The following SEMA6D variants were observed in gnomAD, a reference collection of about 807,000 sequenced individuals.
SEMA6D encodes the protein semaphorin 6D.
In SEMA6D, 35 loss-of-function variants were observed where a neutral mutation model predicts 106.6. The ratio of observed to expected loss-of-function variants is 0.33; its 90% CI spans 0.25 to 0.44. The LOEUF is 0.44. SEMA6D is among the 20% of genes least tolerant of loss of function. The probability of loss-of-function intolerance (pLI) is 1.00; values close to 1 mark genes in which losing one functional copy is unlikely to be tolerated. For missense variants in SEMA6D, 1,185 were observed against 1,345.9 expected, an observed-to-expected ratio of 0.88 and a Z score of 1.87; for synonymous variants, 499 against 487.7, an observed-to-expected ratio of 1.02 and a Z score of -0.31.
chr15:47,526,292 G>A (rs149132139), intron 3 of SEMA6D, among the ~76,000 whole-genome samples: 10 of 152,244 alleles, frequency 6.6e-5, no homozygotes, highest in South Asian at 2.1e-4. Flanking sequence ...TAAGGAATGT[G>A]AATCTTTCAA....
chr15:47,468,774 A>G (rs556923908), intron 2 of SEMA6D, among the ~76,000 whole-genome samples: 1 of 152,312 alleles, frequency 6.6e-6, no homozygotes, highest in African/African-American at 2.4e-5. Context: ...TTTGAATAGT[A>G]CAGATAAAAT....
chr15:47,686,613 T>G (rs1028487160), intron 4 of SEMA6D, among the ~76,000 whole-genome samples: 1 of 152,236 alleles, frequency 6.6e-6, no homozygotes, highest in Non-Finnish European at 1.5e-5. Flanking sequence ...CAGTATCATT[T>G]TCTCCTTCTT....
intron 3 of SEMA6D, 91 bp from the exon 4 acceptor site, chr15:47,760,887 C>A: frequency 8.6e-7 from 1 of 1,169,466 alleles, no homozygotes; most frequent in Middle Eastern, 2.0e-4. Context: ...CTCTAAAACA[C>A]AATAAAGGCA....
intron 6 of SEMA6D, 43 bp from the exon 7 acceptor site, chr15:47,761,618 C>T (rs752466754): frequency 1.9e-5 from 27 of 1,456,172 alleles, no homozygotes; most frequent in African/African-American, 2.8e-5. Context: ...CAAACGGGCA[C>T]GTTGAATAGA....
chr15:47,263,652 A>G (rs1454829332), intron 1 of SEMA6D, among the ~76,000 whole-genome samples: 1 of 152,012 alleles, frequency 6.6e-6, no homozygotes, highest in Non-Finnish European at 1.5e-5. Flanking sequence ...TGAGGAAGAT[A>G]GTGTGGCGAT....
At chr15:47,752,780 G>A (rs1015713226) in intron 1 of SEMA6D, among the ~76,000 whole-genome samples, 5 of 152,086 alleles carry the variant, frequency 3.3e-5, no homozygotes, top group Admixed American at 3.3e-4. Context: ...AGGCCGAGGT[G>A]GACAGATCAC....
chr15:47,647,363 A>T (rs1235693790), intron 4 of SEMA6D, among the ~76,000 whole-genome samples: 1 of 152,182 alleles, frequency 6.6e-6, no homozygotes, highest in East Asian at 1.9e-4. Flanking sequence ...GCTCACTTTG[A>T]ACTAACAGGA....
chr15:47,662,788 T>C (rs1566969113), intron 4 of SEMA6D, among the ~76,000 whole-genome samples: 1 of 151,300 alleles, frequency 6.6e-6, no homozygotes, highest in African/African-American at 2.4e-5. Flanking sequence ...TCACCTAGAT[T>C]GAGGGGGTAG....
At chr15:47,766,786 G>A (rs962139343) in intron 16 of SEMA6D, 109 bp downstream of exon 16, 12 of 758,860 alleles carry the variant, frequency 1.6e-5, no homozygotes, top group Non-Finnish European at 2.6e-5. Context: ...ATACCACCTA[G>A]CATTTAACTT....
chr15:47,451,537 T>A lies in SEMA6D; in HGVS notation c.-158-18937T>A, dbSNP rs1390869. On this transcript the variant is annotated intron_variant, in intron 2 of 19. Transcript: ENST00000558014. ...TGGTGACTGGATGAGGAGTGAGAAA[T>A]CAGAAAATGACTTTGGGGAAGGAAT... 2.0e-5 allele frequency among the ~76,000 whole-genome samples: 3 copies of A among 151,592 alleles called. No homozygotes were observed. The East Asian group carries it at 5.9e-4, about 30-fold the overall frequency.
intron 3 of SEMA6D, among the ~76,000 whole-genome samples, chr15:47,473,068 T>C (rs1596086719): frequency 6.6e-6 from 1 of 152,328 alleles, no homozygotes; most frequent in East Asian, 1.9e-4. Context: ...ATTCAGACTC[T>C]ACGTCTTCTC....
At chr15:47,498,344 G>A (rs972304043) in intron 3 of SEMA6D, among the ~76,000 whole-genome samples, 9 of 152,036 alleles carry the variant, frequency 5.9e-5, no homozygotes, top group African/African-American at 2.2e-4. Flanking sequence ...AAGCAAAACC[G>A]CAAAATAGGG....
Position 47,765,853 on chromosome 15 carries a change from G to A in SEMA6D, c.1428-16G>A. 1 of 1,485,264 alleles carries A rather than the reference G, an allele frequency of 6.7e-7. No homozygotes were observed. Among genetic ancestry groups the A allele is most frequent in the African/African-American group, 1.4e-5 (1 of 71,080 alleles). 92.0% of individuals were successfully genotyped at this position (1,485,264 alleles called of 1,614,324 possible). A position where few individuals can be genotyped will look rare whatever the true frequency, so the allele number is the denominator to read the frequency against. ...CTGACTAAACATATGGCTTCAAAAT[G>A]TATCCCACAAAATAGGTGCAGTGCT... is the stretch of plus-strand genomic sequence containing the variant. On this transcript the variant is annotated splice_polypyrimidine_tract_variant and intron_variant, in intron 13 of 18. Coordinates refer to ENST00000536845, the MANE Select transcript of SEMA6D (RefSeq NM_001358351.3).
intron 1 of SEMA6D, among the ~76,000 whole-genome samples, chr15:47,746,901 C>T (rs976336211): frequency 1.3e-5 from 2 of 151,350 alleles, no homozygotes; most frequent in Non-Finnish European, 2.9e-5. Flanking sequence ...ATTAGTTAGC[C>T]TTGAAAACCC....
chr15:47,333,543 C>G (rs2037429632), intron 1 of SEMA6D, among the ~76,000 whole-genome samples: 1 of 152,008 alleles, frequency 6.6e-6, no homozygotes, highest in Non-Finnish European at 1.5e-5. Flanking sequence ...GAAGTACCAC[C>G]TAGAATTTGA....
intron 1 of SEMA6D, among the ~76,000 whole-genome samples, chr15:47,720,899 C>T (rs991188079): frequency 6.6e-6 from 1 of 152,170 alleles, no homozygotes; most frequent in Non-Finnish European, 1.5e-5. Flanking sequence ...GAATGCCTAA[C>T]CATTAGTAGT....
At chr15:47,656,630 T>C (rs2077800510) in intron 4 of SEMA6D, among the ~76,000 whole-genome samples, 3 of 152,346 alleles carry the variant, frequency 2.0e-5, no homozygotes, top group Admixed American at 2.0e-4. Flanking sequence ...CTGGAATGGC[T>C]AGGCTTCTAG....
intron 3 of SEMA6D, among the ~76,000 whole-genome samples, chr15:47,592,777 T>G (rs2143018774): frequency 6.6e-6 from 1 of 152,362 alleles, no homozygotes; most frequent in South Asian, 2.1e-4. Context: ...GAATTCTAAC[T>G]GTAGTCCATA....
intron 1 of SEMA6D, among the ~76,000 whole-genome samples, chr15:47,258,602 T>C (rs894076405): frequency 6.6e-6 from 1 of 152,116 alleles, no homozygotes; most frequent in Non-Finnish European, 1.5e-5. Flanking sequence ...CTAAGACTTA[T>C]AGTAGTATTA....
Sources: allele counts gnomAD v4.1 joint callset (sites outside exome capture counted in the v4.1 genomes callset), GRCh38; gene constraint gnomAD v4.1.1; transcripts MANE v1.5; gene names NCBI Gene and HGNC (gene_info 2026-07-23, HGNC 2026-07-21).